Variants in YTHDF2 observed in about 807,000 individuals in gnomAD.
YTHDF2 encodes YTH N6-methyladenosine RNA binding protein F2, also known as YTH domain-containing family protein 2.
Under a neutral mutation model 50.4 loss-of-function variants are expected in YTHDF2, and 2 were observed. The ratio of observed to expected loss-of-function variants is 0.04; its 90% CI spans 0.02 to 0.12. The LOEUF is 0.12. YTHDF2 is among the 10% of genes least tolerant of loss of function. The pLI, the probability that YTHDF2 is intolerant of heterozygous loss-of-function variation, is 1.00. For missense variants in YTHDF2, 483 were observed against 722.6 expected (o/e 0.67, Z 3.80); for synonymous variants, 217 against 255.6 (o/e 0.85, Z 1.44).
intron 4 of YTHDF2, among the ~76,000 whole-genome samples, chr1:28,764,584 T>C (rs2088189576): frequency 6.6e-6 from 1 of 152,056 alleles, no homozygotes; most frequent in African/African-American, 2.4e-5. Context: ...CAATTTTTTA[T>C]TTTTAGTAGA....
chr1:28,736,821 TGA>T (rs1197974360), upstream of YTHDF2: 3 of 387,308 alleles, frequency 7.7e-6, no homozygotes, highest in East Asian at 5.0e-5. Context: ...TGAGTGAATG[TGA>T]GAGTCAGCGC....
intron 4 of YTHDF2, 85 bp downstream of exon 4, chr1:28,744,071 A>G: frequency 7.4e-7 from 1 of 1,358,298 alleles, no homozygotes; most frequent in Non-Finnish European, 9.7e-7. Context: ...ACCGTTAATA[A>G]AAACTCTGTA....
At position 28,737,286 on chromosome 1, in the gene YTHDF2, C is replaced by G. The variant is rs974343724; in HGVS notation, c.27+139C>G. ...GGGCCAGGTTTCGGGCCTCTCAGGC[C>G]GGCCGCGCCCGGCGCCTCTCCCTCA... is the stretch of plus-strand genomic sequence containing the variant. On this transcript the variant is annotated intron_variant, in intron 1 of 4. Coordinates refer to ENST00000373812, the MANE Select transcript of YTHDF2 (RefSeq NM_016258.3). 110 of 1,103,090 alleles carry G rather than the reference C, an allele frequency of 1.0e-4. No homozygotes were observed. In the African/African-American group the frequency reaches 1.7e-3, roughly 17 times the overall value. The allele number at this position is 1,103,090 out of a possible 1,614,324, so 68.3% of individuals were successfully genotyped here. A position where few individuals can be genotyped will look rare whatever the true frequency, so the allele number is the denominator to read the frequency against.
At chr1:28,756,249 G>T (rs1014194900) in intron 4 of YTHDF2, among the ~76,000 whole-genome samples, 1 of 152,134 alleles carries the variant, frequency 6.6e-6, no homozygotes, top group African/African-American at 2.4e-5. Flanking sequence ...ATGAAGAATG[G>T]CAGCATTTTG....
chr1:28,743,241 A>G lies in YTHDF2; in HGVS notation c.971A>G (p.Gln324Arg). 4 of 1,614,130 alleles carry G rather than the reference A, an allele frequency of 2.5e-6. No homozygotes were observed. Among genetic ancestry groups the G allele is most frequent in the Non-Finnish European group, 3.4e-6 (4 of 1,180,036 alleles). ...SPPVAQASVG[Q>R]QTQPLPPPPP... Reference sequence around the variant, plus strand: ...CCAGTGGCTCAGGCATCAGTAGGGCAACAGACACAGCCATTGCCTCCACCT... The same window carrying G: ...CCAGTGGCTCAGGCATCAGTAGGGCGACAGACACAGCCATTGCCTCCACCT... Residue 324 changes from glutamine to arginine, a missense_variant, in exon 4 of 5, where the codon CAA becomes CGA. Coordinates refer to ENST00000373812, the MANE Select transcript of YTHDF2 (RefSeq NM_016258.3). This position sits in a 1 kb window ranked among gnomAD's most constrained non-coding sequence, Gnocchi z 6.9.
At position 28,740,848 on chromosome 1, in the gene YTHDF2, C is replaced by T. The variant is rs575330159; in HGVS notation, c.133-1555C>T. On this transcript the variant is annotated intron_variant, in intron 3 of 4. Transcript: ENST00000373812. ...CCTCCCGAGTAGCTGGGACTACAGG[C>T]GCCCGCCACCATACCTGGCTAATTT... Among the ~76,000 whole-genome samples the T allele has an allele frequency of 1.7e-3, 261 of 151,902 alleles. 2 individuals carry two copies. Among genetic ancestry groups the T allele is most frequent in the African/African-American group, 4.1e-3 (168 of 41,424 alleles).
chr1:28,746,629 G>C (rs2087865978), intron 4 of YTHDF2, among the ~76,000 whole-genome samples: 1 of 151,952 alleles, frequency 6.6e-6, no homozygotes. Flanking sequence ...GTGTGGTTGT[G>C]GGTACCTGTG....
At chr1:28,768,149 G>C (rs1400011302) in intron 4 of YTHDF2, among the ~76,000 whole-genome samples, 1 of 152,000 alleles carries the variant, frequency 6.6e-6, no homozygotes, top group African/African-American at 2.4e-5. Flanking sequence ...AGTGAGCGAA[G>C]ATCGCGCCAT....
chr1:28,752,766 T>C (rs1209437186), intron 4 of YTHDF2, among the ~76,000 whole-genome samples: 1 of 151,384 alleles, frequency 6.6e-6, no homozygotes, highest in Non-Finnish European at 1.5e-5. Flanking sequence ...AAATTTGTCC[T>C]GCACAGTGGC....
In YTHDF2 at chr1:28,743,084, A is replaced by G. The variant is rs758195263; in HGVS notation, c.814A>G (p.Asn272Asp). ...SSLPPPPIKH[N>D]MDIGTWDNKG... ...TCTTCCGCCACCCCCGATAAAGCAT[A>G]ACATGGATATTGGAACTTGGGATAA... Residue 272 changes from asparagine to aspartate, a missense_variant, in exon 4 of 5, where the codon AAC becomes GAC. By Grantham distance (23) the Asn-to-Asp change is conservative. This residue lies in a region of YTHDF2 where 385 missense variants were observed against 475.8 expected (regional missense o/e 0.81). Transcript: ENST00000373812. This position sits in a 1 kb window ranked among gnomAD's most constrained non-coding sequence, Gnocchi z 6.9. 1 of 1,614,216 alleles carries G rather than the reference A, an allele frequency of 6.2e-7. No homozygotes were observed. The highest frequency in any genetic ancestry group is 1.1e-5 in the South Asian group (1 of 91,082).
intron 3 of YTHDF2, among the ~76,000 whole-genome samples, chr1:28,741,029 T>TG (rs1050660157): frequency 2.0e-5 from 3 of 147,954 alleles, no homozygotes; most frequent in Non-Finnish European, 4.5e-5. Context: ...GACGGAGTCT[T>TG]GCTCTGTTGC....
intron 4 of YTHDF2, among the ~76,000 whole-genome samples, chr1:28,765,986 C>G (rs949220272): frequency 6.6e-6 from 1 of 152,200 alleles, no homozygotes; most frequent in Non-Finnish European, 1.5e-5. Context: ...TTGTTACCCA[C>G]AGATCTTATT....
intron 4 of YTHDF2, among the ~76,000 whole-genome samples, chr1:28,757,370 G>A (rs2088048949): frequency 6.6e-6 from 1 of 152,138 alleles, no homozygotes; most frequent in Admixed American, 6.5e-5. Context: ...GAAGAAAATG[G>A]CCAATCCCCT....
chr1:28,745,483 C>T (rs2087843981), intron 4 of YTHDF2, among the ~76,000 whole-genome samples: 2 of 152,186 alleles, frequency 1.3e-5, no homozygotes, highest in Non-Finnish European at 2.9e-5. Context: ...CCTATAATCC[C>T]AGCACTTTGG....
intron 4 of YTHDF2, among the ~76,000 whole-genome samples, chr1:28,748,137 A>AG (rs1167651865): frequency 4.6e-5 from 7 of 150,992 alleles, no homozygotes; most frequent in Non-Finnish European, 8.9e-5. Context: ...CAAAAAAAAA[A>AG]AACCAAAAAA....
chr1:28,738,486 C>T (rs2087729117), intron 3 of YTHDF2, 148 bp downstream of exon 3: 2 of 759,328 alleles, frequency 2.6e-6, no homozygotes, highest in Non-Finnish European at 4.3e-6. Flanking sequence ...GCTCTGACGC[C>T]CAGGCTGGGG....
At chr1:28,740,996 G>C (rs1042857056) in intron 3 of YTHDF2, among the ~76,000 whole-genome samples, 1 of 150,830 alleles carries the variant, frequency 6.6e-6, no homozygotes, top group African/African-American at 2.4e-5. Flanking sequence ...GAGCCACCGC[G>C]CCCGGCTATT....
intron 4 of YTHDF2, among the ~76,000 whole-genome samples, chr1:28,745,526 G>A (rs2087844372): frequency 2.0e-5 from 3 of 152,044 alleles, no homozygotes; most frequent in South Asian, 4.2e-4. Context: ...CTGAGGTCAG[G>A]ACCAGCTTGA....
intron 4 of YTHDF2, among the ~76,000 whole-genome samples, chr1:28,745,275 C>T (rs1381685729): frequency 6.6e-6 from 1 of 152,126 alleles, no homozygotes; most frequent in African/African-American, 2.4e-5. Flanking sequence ...GCTATTTTAT[C>T]TTTCAGTGGG....
Sources: allele counts gnomAD v4.1 joint callset (sites outside exome capture counted in the v4.1 genomes callset), GRCh38; gene constraint gnomAD v4.1.1; regional missense constraint gnomAD v4.1.1; non-coding constraint Gnocchi (gnomAD v3.1); transcripts MANE v1.5; gene names NCBI Gene and HGNC (gene_info 2026-07-23, HGNC 2026-07-21).